Variants in COL24A1 observed in about 807,000 individuals in gnomAD.
The protein encoded by COL24A1 is collagen type XXIV alpha 1 chain, also known as collagen alpha-1(XXIV) chain.
A neutral mutation model predicts 253.9 loss-of-function variants in COL24A1; 224 were observed. The observed-to-expected ratio is 0.88, with a 90% CI of 0.79 to 0.99. The LOEUF (loss-of-function observed/expected upper bound fraction) is 0.99, where lower values mean the gene tolerates loss of function less well. Among genes scored for constraint, COL24A1 ranks in the 50% least tolerant of loss-of-function variants. COL24A1 has a pLI of 0.00. For synonymous variants in COL24A1, 685 were observed against 673.7 expected, an observed-to-expected ratio of 1.02 and a Z score of -0.26; for missense variants, 2,131 against 2,068.5, an observed-to-expected ratio of 1.03 and a Z score of -0.59.
chr1:86,038,876 T>A (rs1294857885), intron 12 of COL24A1, among the ~76,000 whole-genome samples: 2 of 152,142 alleles, frequency 1.3e-5, no homozygotes, highest in African/African-American at 4.8e-5. Context: ...AGCCTTCAGA[T>A]GACAGTAGCC....
Position 86,125,946 on chromosome 1 carries a change from T to G in COL24A1, c.390A>C (p.Arg130Ser). ...GTAGTAATTGTACTCCTAATTGCAGTCTATTTTTATTTCTAATGCTGAAGA... is the reference window on the plus strand; with the variant it reads ...GTAGTAATTGTACTCCTAATTGCAGGCTATTTTTATTTCTAATGCTGAAGA... ...AFLFSIRNKN[R>S]LQLGVQLLPK... Residue 130 changes from arginine (R) to serine (S), a missense_variant, in exon 3 of 60, where the codon AGA becomes AGC. By Grantham distance (110) the Arg-to-Ser change is moderately radical. Coordinates refer to ENST00000370571, the MANE Select transcript of COL24A1 (RefSeq NM_152890.7). 6 of 1,613,546 alleles carry G rather than the reference T, an allele frequency of 3.7e-6. No homozygotes were observed. Among genetic ancestry groups the G allele is most frequent in the Non-Finnish European group, 5.1e-6 (6 of 1,179,768 alleles).
chr1:85,811,910 C>T (rs1373631928), intron 47 of COL24A1, among the ~76,000 whole-genome samples: 1 of 152,178 alleles, frequency 6.6e-6, no homozygotes, highest in East Asian at 1.9e-4. Flanking sequence ...TATCAGAAGG[C>T]TCTGTAGCTG....
At chr1:85,871,078 A>G (rs1457220613) in intron 35 of COL24A1, among the ~76,000 whole-genome samples, 3 of 152,354 alleles carry the variant, frequency 2.0e-5, no homozygotes, top group East Asian at 1.9e-4. Context: ...ACCCCTATGC[A>G]TATAAACTAG....
intron 19 of COL24A1, among the ~76,000 whole-genome samples, chr1:86,003,412 C>A (rs1695623690): frequency 6.6e-6 from 1 of 152,056 alleles, no homozygotes; most frequent in Non-Finnish European, 1.5e-5. Context: ...TAGCCCAAAC[C>A]CCAATGTCAC....
In COL24A1 at chr1:85,817,929, G is replaced by C. The variant is rs1673210688; in HGVS notation, c.3843+105C>G. 6 of 920,308 alleles carry C rather than the reference G, an allele frequency of 6.5e-6. No homozygotes were observed. The African/African-American group carries it at 1.0e-4, about 15-fold the overall frequency. 57.0% of individuals were successfully genotyped at this position (920,308 alleles called of 1,614,324 possible). On this transcript the variant is annotated intron_variant, in intron 46 of 59. Coordinates refer to ENST00000370571, the MANE Select transcript of COL24A1 (RefSeq NM_152890.7). ...GTTTAATTTTTTTAAAAGACAATCT[G>C]ATTTATCCAACATGATGACACAATT...
chr1:85,775,602 A>G (rs1668460394), intron 53 of COL24A1, 72 bp downstream of exon 53: 1 of 1,239,632 alleles, frequency 8.1e-7, no homozygotes, highest in Non-Finnish European at 1.2e-6. Context: ...TAACTCTAAC[A>G]GGGTCCTTGC....
chr1:85,972,544 G>T (rs1249268693), intron 20 of COL24A1, among the ~76,000 whole-genome samples: 1 of 152,030 alleles, frequency 6.6e-6, no homozygotes, highest in Non-Finnish European at 1.5e-5. Flanking sequence ...TATGGAAATG[G>T]GCACATTGTG....
intron 7 of COL24A1, among the ~76,000 whole-genome samples, chr1:86,066,864 G>A (rs369538201): frequency 9.0e-4 from 137 of 152,226 alleles, no homozygotes; most frequent in African/African-American, 2.6e-3. Context: ...AAGGCCGGGC[G>A]CAATGGCTCA....
chr1:86,010,030 A>G (rs1696350296), intron 19 of COL24A1, among the ~76,000 whole-genome samples: 1 of 152,230 alleles, frequency 6.6e-6, no homozygotes, highest in Admixed American at 6.5e-5. Flanking sequence ...ATGTGAAATG[A>G]AATACATAAA....
chr1:85,832,617 A>T (rs1284500656), intron 43 of COL24A1, among the ~76,000 whole-genome samples: 2 of 150,694 alleles, frequency 1.3e-5, no homozygotes, highest in Non-Finnish European at 1.5e-5. Flanking sequence ...AGTGGTTTGT[A>T]GTTCTCCTTG....
intron 12 of COL24A1, among the ~76,000 whole-genome samples, chr1:86,038,292 C>T (rs652837): frequency 0.92 from 140,696 of 152,238 alleles, 65,167 homozygotes; most frequent in East Asian, 1. Flanking sequence ...ATTTTTATTA[C>T]GTAAGATTCT....
chr1:85,907,574 G>T (rs924285349), intron 27 of COL24A1, among the ~76,000 whole-genome samples: 1 of 151,726 alleles, frequency 6.6e-6, no homozygotes. Context: ...AGACAGACCG[G>T]TCTAATCTGC....
intron 18 of COL24A1, among the ~76,000 whole-genome samples, chr1:86,021,307 T>C (rs1571628580): frequency 6.6e-6 from 1 of 152,278 alleles, no homozygotes; most frequent in African/African-American, 2.4e-5. Flanking sequence ...ATTTTTTCTA[T>C]CTGTAATCAC....
intron 58 of COL24A1, among the ~76,000 whole-genome samples, chr1:85,735,348 T>A (rs1394413084): frequency 6.6e-6 from 1 of 152,170 alleles, no homozygotes; most frequent in Non-Finnish European, 1.5e-5. Flanking sequence ...AAAATAAAGA[T>A]AATTTTCACA....
In COL24A1 at chr1:85,863,994, G is replaced by A. The variant is rs1207890274; in HGVS notation, c.3300+4525C>T. ...CAACAATTGTGGAAATCAGTGTGGC[G>A]ATTCCTCAAGGATCTAGAACTAGAA... On this transcript the variant is annotated intron_variant, in intron 37 of 59. Transcript: ENST00000370571. Among the ~76,000 whole-genome samples the A allele has an allele frequency of 8.5e-5, 13 of 152,264 alleles. No homozygotes were observed. In the South Asian group the frequency reaches 1.9e-3, roughly 22 times the overall value.
chr1:86,073,095 C>A (rs180670796), intron 7 of COL24A1, among the ~76,000 whole-genome samples: 28 of 152,234 alleles, frequency 1.8e-4, no homozygotes, highest in Non-Finnish European at 1.5e-5. Flanking sequence ...TCCTCGCCAG[C>A]AAGTGAACAA....
At chr1:85,741,129 AAAAG>A (rs1279138629) in intron 57 of COL24A1, among the ~76,000 whole-genome samples, 3 of 150,944 alleles carry the variant, frequency 2.0e-5, no homozygotes, top group African/African-American at 7.3e-5. Flanking sequence ...AAAAAAAAAA[AAAAG>A]AAAAGAAAAG....
At chr1:86,074,586 T>A (rs1019000875) in intron 7 of COL24A1, among the ~76,000 whole-genome samples, 1 of 152,158 alleles carries the variant, frequency 6.6e-6, no homozygotes, top group Non-Finnish European at 1.5e-5. Flanking sequence ...GGACTTGAAC[T>A]CAGCTCTGGA....
chr1:86,099,937 TA>T lies in COL24A1; in HGVS notation c.1600-7618del, dbSNP rs67843034. On this transcript the variant is annotated intron_variant, in intron 5 of 59. Coordinates refer to ENST00000370571, the MANE Select transcript of COL24A1 (RefSeq NM_152890.7). The stretch of plus-strand genomic sequence containing the variant: ...TAAAATCCGACCAAAATCTTTTTTT[TA>T]AAATTTTATTATTATTATACTTTAA... Among the ~76,000 whole-genome samples, 116 of 148,556 alleles carry T rather than the reference TA, an allele frequency of 7.8e-4. 1 individual carries two copies. The highest frequency in any genetic ancestry group is 1.7e-3 in the Admixed American group (25 of 14,882).
Sources: allele counts gnomAD v4.1 joint callset (sites outside exome capture counted in the v4.1 genomes callset), GRCh38; gene constraint gnomAD v4.1.1; transcripts MANE v1.5; gene names NCBI Gene and HGNC (gene_info 2026-07-23, HGNC 2026-07-21).